The following TAB2 variants were observed in gnomAD, a reference collection of about 807,000 sequenced individuals.
TAB2 encodes the protein TGF-beta-activated kinase 1 and MAP3K7-binding protein 2.
Under a neutral mutation model 65.0 loss-of-function variants are expected in TAB2, and 3 were observed. The ratio of observed to expected loss-of-function variants is 0.05; its 90% CI spans 0.02 to 0.12. TAB2 has a LOEUF of 0.12. Among genes scored for constraint, TAB2 ranks in the 10% least tolerant of loss-of-function variants. The pLI, the probability that TAB2 is intolerant of heterozygous loss-of-function variation, is 1.00. For missense variants in TAB2, 623 were observed against 840.3 expected (o/e 0.74, Z 3.20); for synonymous variants, 298 against 285.1 (o/e 1.05, Z -0.46).
chr6:149,351,004 C>A (rs1780472739), intron 1 of TAB2, among the ~76,000 whole-genome samples: 1 of 152,070 alleles, frequency 6.6e-6, no homozygotes, highest in Non-Finnish European at 1.5e-5. Context: ...TCTTCATAAT[C>A]CCCTTCTTTC....
At chr6:149,223,022 A>C (rs1777186472) in intron 1 of TAB2, among the ~76,000 whole-genome samples, 1 of 152,262 alleles carries the variant, frequency 6.6e-6, no homozygotes, top group African/African-American at 2.4e-5. Flanking sequence ...TTCCTGTACC[A>C]AACTCATTTT....
chr6:149,375,202 A>G (rs1781360544), intron 2 of TAB2, among the ~76,000 whole-genome samples: 1 of 152,198 alleles, frequency 6.6e-6, no homozygotes, highest in African/African-American at 2.4e-5. Flanking sequence ...AGGCATATAC[A>G]TCAAACGAAC....
chr6:149,350,211 C>A (rs1271731649), intron 1 of TAB2, among the ~76,000 whole-genome samples: 1 of 152,080 alleles, frequency 6.6e-6, no homozygotes, highest in Non-Finnish European at 1.5e-5. Flanking sequence ...GGATTACAGA[C>A]GTAAGCCACT....
intron 1 of TAB2, among the ~76,000 whole-genome samples, chr6:149,289,613 G>T (rs1052550350): frequency 7.9e-5 from 12 of 152,154 alleles, no homozygotes; most frequent in African/African-American, 2.4e-4. Context: ...CAGCCACTGG[G>T]CCCCTTGCTG....
intron 1 of TAB2, among the ~76,000 whole-genome samples, chr6:149,250,119 T>C (rs566587665): frequency 6.6e-6 from 1 of 152,178 alleles, no homozygotes; most frequent in South Asian, 2.1e-4. Context: ...GGCTACAGTA[T>C]GGGAGGTAGG....
At chr6:149,350,350 A>G (rs1780449886) in intron 1 of TAB2, among the ~76,000 whole-genome samples, 1 of 152,276 alleles carries the variant, frequency 6.6e-6, no homozygotes, top group Middle Eastern at 3.4e-3. Flanking sequence ...GCAACAAGGC[A>G]TTTTTCAGAT....
chr6:149,232,195 C>G (rs1013674313), intron 1 of TAB2, among the ~76,000 whole-genome samples: 3 of 152,032 alleles, frequency 2.0e-5, no homozygotes, highest in Non-Finnish European at 4.4e-5. Context: ...GCCTCGGGGA[C>G]CACCAGCCAA....
chr6:149,286,692 AG>A (rs1778681983), intron 1 of TAB2, among the ~76,000 whole-genome samples: 2 of 152,224 alleles, frequency 1.3e-5, no homozygotes, highest in African/African-American at 4.8e-5. Context: ...TTATCACAAT[AG>A]GGGATTCACT....
chr6:149,243,654 TTCC>T (rs1442107543), intron 1 of TAB2: 1 of 152,224 alleles, frequency 6.6e-6, no homozygotes, highest in African/African-American at 2.4e-5. Flanking sequence ...CTGAAGGCAC[TTCC>T]TCAGAATAGA....
intron 1 of TAB2, among the ~76,000 whole-genome samples, chr6:149,328,413 C>T (rs1779681902): frequency 6.6e-6 from 1 of 152,178 alleles, no homozygotes; most frequent in Admixed American, 6.5e-5. Flanking sequence ...CTGCCTCAGC[C>T]TCCCAAGTAG....
intron 1 of TAB2, among the ~76,000 whole-genome samples, chr6:149,363,965 T>G (rs766588676): frequency 5.9e-5 from 9 of 152,186 alleles, no homozygotes; most frequent in Non-Finnish European, 1.2e-4. Flanking sequence ...GTTGAGCAAA[T>G]CAGAAATCAA....
At chr6:149,228,965 A>C (rs570132113) in intron 1 of TAB2, among the ~76,000 whole-genome samples, 1 of 152,354 alleles carries the variant, frequency 6.6e-6, no homozygotes, top group African/African-American at 2.4e-5. Flanking sequence ...GAGAGGGCAC[A>C]GTGACCCCTC....
chr6:149,332,867 A>G lies in TAB2; in HGVS notation c.-90+14852A>G, dbSNP rs576602626. On this transcript the variant is annotated intron_variant, in intron 1 of 6. Transcript: ENST00000637181. ...CCTGAGTCCCACTGTGATCATGTGT[A>G]CTTTAAATTCATGTAATTTGGAAAA... Among the ~76,000 whole-genome samples, 47 of 152,332 alleles carry G rather than the reference A, an allele frequency of 3.1e-4. 1 individual carries two copies. Among genetic ancestry groups the G allele is most frequent in the South Asian group, 1.0e-3 (5 of 4,830 alleles).
chr6:149,244,335 T>C (rs930510820), intron 1 of TAB2: 1 of 152,336 alleles, frequency 6.6e-6, no homozygotes, highest in African/African-American at 2.4e-5. Flanking sequence ...AAGTGACTTA[T>C]AGTCCACGGT....
At chr6:149,345,976 T>G (rs576397748) in intron 1 of TAB2, among the ~76,000 whole-genome samples, 23 of 152,260 alleles carry the variant, frequency 1.5e-4, no homozygotes, top group African/African-American at 4.8e-4. Context: ...AATAATGTAT[T>G]TATTTATTCC....
chr6:149,265,956 T>G (rs1778256791), intron 1 of TAB2, among the ~76,000 whole-genome samples: 1 of 152,212 alleles, frequency 6.6e-6, no homozygotes, highest in Admixed American at 6.5e-5. Flanking sequence ...CTACAATGTC[T>G]GCCCATGCCT....
intron 2 of TAB2, among the ~76,000 whole-genome samples, chr6:149,373,351 C>T (rs1219950087): frequency 2.0e-5 from 3 of 152,098 alleles, no homozygotes; most frequent in African/African-American, 7.2e-5. Flanking sequence ...AAGTATTTTT[C>T]ATTCAGTATA....
intron 1 of TAB2, among the ~76,000 whole-genome samples, chr6:149,348,488 C>T (rs993214703): frequency 5.9e-5 from 9 of 151,740 alleles, no homozygotes; most frequent in African/African-American, 1.5e-4. Flanking sequence ...TAGGTCGAAA[C>T]GTTCTGCCGT....
intron 6 of TAB2, among the ~76,000 whole-genome samples, chr6:149,406,124 A>G (rs1292548368): frequency 6.6e-6 from 1 of 152,240 alleles, no homozygotes; most frequent in Non-Finnish European, 1.5e-5. Context: ...GTGGTGAATC[A>G]GGTCAGCACT....
Sources: allele counts gnomAD v4.1 joint callset (sites outside exome capture counted in the v4.1 genomes callset), GRCh38; gene constraint gnomAD v4.1.1; transcripts MANE v1.5; gene names NCBI Gene and HGNC (gene_info 2026-07-23, HGNC 2026-07-21).